Variants in PKIA observed in about 807,000 individuals in gnomAD.
The protein encoded by PKIA is PKI-alpha.
In PKIA, 4 loss-of-function variants were observed where a neutral mutation model predicts 7.6. The ratio of observed to expected loss-of-function variants is 0.52; its 90% CI spans 0.26 to 1.20. The LOEUF (loss-of-function observed/expected upper bound fraction) is 1.20. PKIA is among the 50% of genes most tolerant of loss of function. The pLI is 0.13. For synonymous variants in PKIA, 21 were observed against 30.7 expected, an observed-to-expected ratio of 0.68 and a Z score of 1.04; for missense variants, 73 against 86.2, an observed-to-expected ratio of 0.85 and a Z score of 0.61.
intron 1 of PKIA, among the ~76,000 whole-genome samples, chr8:78,538,168 G>A (rs1192603280): frequency 6.6e-6 from 1 of 151,874 alleles, no homozygotes; most frequent in Non-Finnish European, 1.5e-5. Context: ...TCTCTCTGAT[G>A]GAAACTCATG....
intron 2 of PKIA, among the ~76,000 whole-genome samples, chr8:78,593,070 C>A (rs1438974664): frequency 6.6e-6 from 1 of 152,100 alleles, no homozygotes. Flanking sequence ...ATTTGTTTTC[C>A]TACTTTACAT....
chr8:78,598,792 GGT>G (rs1473674492), intron 3 of PKIA, among the ~76,000 whole-genome samples: 3 of 151,890 alleles, frequency 2.0e-5, no homozygotes, highest in Non-Finnish European at 4.4e-5. Flanking sequence ...TAAAACACAT[GGT>G]GTGTTTTTTT....
chr8:78,588,373 A>G (rs538212519), intron 2 of PKIA, among the ~76,000 whole-genome samples: 603 of 152,152 alleles, frequency 4.0e-3, no homozygotes, highest in African/African-American at 0.014. Context: ...CCAGCTACTC[A>G]GGAGGCTGAG....
Position 78,555,550 on chromosome 8 carries a change from CAAAAAT to C in PKIA, c.-156-17254_-156-17249del, listed in dbSNP as rs1412527557. Among the ~76,000 whole-genome samples the C allele has an allele frequency of 5.3e-5, 8 of 151,996 alleles. No individual in the cohort carries two copies. The South Asian group carries it at 1.7e-3, about 32-fold the overall frequency. On this transcript the variant is annotated intron_variant, in intron 1 of 3. Transcript: ENST00000396418. ...TCAAAAGGCTCAAAATATAGGAAAA[CAAAAAT>C]AAAAATCACTTCTTAGTTCATAAAT...
chr8:78,582,534 C>A (rs547223397), intron 2 of PKIA, among the ~76,000 whole-genome samples: 2 of 152,168 alleles, frequency 1.3e-5, no homozygotes, highest in South Asian at 4.1e-4. Context: ...TATGGAATTA[C>A]AATTCAAGAT....
rs1268271086 is a variant in PKIA, at chr8:78,516,458, G to C, written c.-167G>C. 1.3e-5 allele frequency: 2 copies of C among 152,314 alleles called. No individual in the cohort carries two copies. Among genetic ancestry groups the C allele is most frequent in the Non-Finnish European group, 2.9e-5 (2 of 68,138 alleles). The allele number at this position is 152,314 out of a possible 1,614,324, so 9.4% of individuals were successfully genotyped here. ...GTGCGCGGGGACCTGCGCTGACTAG[G>C]TCCGGGGAAGGTAAGCAGCCCGGCA... is the stretch of plus-strand genomic sequence containing the variant. On this transcript the variant is annotated 5_prime_UTR_variant, in exon 1 of 4. Transcript: ENST00000396418.
chr8:78,548,193 ATAT>A (rs1806883320), intron 1 of PKIA, among the ~76,000 whole-genome samples: 1 of 152,152 alleles, frequency 6.6e-6, no homozygotes, highest in Non-Finnish European at 1.5e-5. Flanking sequence ...AACATGTAGT[ATAT>A]TAATAGCCTC....
intron 1 of PKIA, among the ~76,000 whole-genome samples, chr8:78,545,504 G>C (rs1806797547): frequency 6.6e-6 from 1 of 152,042 alleles, no homozygotes; most frequent in Admixed American, 6.6e-5. Context: ...AGATAAAGTG[G>C]CATAACCTTA....
At chr8:78,597,585 C>A (rs1002913932) in intron 2 of PKIA, among the ~76,000 whole-genome samples, 2 of 151,824 alleles carry the variant, frequency 1.3e-5, no homozygotes, top group East Asian at 3.9e-4. Context: ...TTACTTAGCA[C>A]CCCCCACCTG....
intron 1 of PKIA, among the ~76,000 whole-genome samples, chr8:78,557,729 G>T (rs530458602): frequency 4.9e-4 from 74 of 152,282 alleles, no homozygotes; most frequent in Non-Finnish European, 7.6e-4. Context: ...TATTTGATGG[G>T]TATTTATGCC....
At chr8:78,598,104 C>T (rs550636990) in intron 2 of PKIA, among the ~76,000 whole-genome samples, 8 of 147,166 alleles carry the variant, frequency 5.4e-5, no homozygotes, top group South Asian at 2.1e-4. Flanking sequence ...AATATTATTA[C>T]ATTTAATATT....
chr8:78,527,669 G>A (rs1309966692), intron 1 of PKIA, among the ~76,000 whole-genome samples: 2 of 151,934 alleles, frequency 1.3e-5, no homozygotes, highest in African/African-American at 4.8e-5. Context: ...TAATTTTTAA[G>A]TATATATTTA....
chr8:78,561,046 G>A (rs1209055572), intron 1 of PKIA, among the ~76,000 whole-genome samples: 2 of 152,120 alleles, frequency 1.3e-5, no homozygotes, highest in Admixed American at 6.5e-5. Context: ...AACAACATGA[G>A]ACGTGGTATA....
At chr8:78,597,325 CT>C (rs1459898509) in intron 2 of PKIA, among the ~76,000 whole-genome samples, 1 of 152,020 alleles carries the variant, frequency 6.6e-6, no homozygotes, top group Non-Finnish European at 1.5e-5. Flanking sequence ...GTTTTTGTAC[CT>C]TTTGACATTT....
intron 2 of PKIA, among the ~76,000 whole-genome samples, chr8:78,582,797 C>T (rs1411389204): frequency 6.6e-6 from 1 of 152,066 alleles, no homozygotes; most frequent in Non-Finnish European, 1.5e-5. Context: ...AAACTCAAAA[C>T]AGTTGAACAT....
In PKIA at chr8:78,586,962, T is replaced by A. The variant is rs141657723; in HGVS notation, c.-27-11396T>A. ...TGTGATATCTGGCACATATGTAATATTTGTTTTTGTTATTGTTATTATTCA... is the reference window on the plus strand; with the variant it reads ...TGTGATATCTGGCACATATGTAATAATTGTTTTTGTTATTGTTATTATTCA... On this transcript the variant is annotated intron_variant, in intron 2 of 3. Coordinates refer to ENST00000396418, the MANE Select transcript of PKIA (RefSeq NM_006823.4). Among the ~76,000 whole-genome samples the A allele has an allele frequency of 1.7e-4, 26 of 152,326 alleles. 1 individual carries two copies. The East Asian group carries it at 5.0e-3, about 29-fold the overall frequency.
At chr8:78,585,121 A>G (rs1807917492) in intron 2 of PKIA, among the ~76,000 whole-genome samples, 1 of 151,930 alleles carries the variant, frequency 6.6e-6, no homozygotes. Context: ...AAATTTTTTT[A>G]TTTTGTTAGT....
rs559735852 is a variant in PKIA, at chr8:78,546,201, G to A, written c.-156-26610G>A. ...TGACTAGTTTATTTGGAAACTACTT[G>A]TAAAATCTGCTTTGCCTTGCAAAAT... On this transcript the variant is annotated intron_variant, in intron 1 of 3. Coordinates refer to ENST00000396418, the MANE Select transcript of PKIA (RefSeq NM_006823.4). 1.8e-4 allele frequency among the ~76,000 whole-genome samples: 28 copies of A among 152,270 alleles called. No individual in the cohort carries two copies. In the South Asian group the frequency reaches 5.6e-3, roughly 30 times the overall value.
chr8:78,584,049 A>AATATAATTTT (rs1807887504), intron 2 of PKIA, among the ~76,000 whole-genome samples: 4 of 152,088 alleles, frequency 2.6e-5, no homozygotes, highest in African/African-American at 9.7e-5. Flanking sequence ...ATATATGTAA[A>AATATAATTTT]ACAGCTTATT....
Sources: gnomAD v4.1 joint callset for allele counts (sites outside exome capture counted in the v4.1 genomes callset) on GRCh38, gnomAD v4.1.1 for gene constraint, MANE v1.5 for transcripts, NCBI Gene and HGNC (gene_info 2026-07-23, HGNC 2026-07-21) for gene names.